KMT2C: variants seen among roughly 807,000 people sequenced by gnomAD.
The protein encoded by KMT2C is histone-lysine N-methyltransferase 2C.
A neutral mutation model predicts 507.9 loss-of-function variants in KMT2C; 88 were observed. The observed-to-expected ratio is 0.17, with a 90% CI of 0.15 to 0.21. The LOEUF is 0.21. Ranked by LOEUF, KMT2C falls within the 10% of genes least tolerant of loss-of-function variation. The probability of loss-of-function intolerance (pLI) is 1.00; values close to 1 mark genes in which losing one functional copy is unlikely to be tolerated. For synonymous variants in KMT2C, 2,049 were observed against 2,080.8 expected, an observed-to-expected ratio of 0.98 and a Z score of 0.42; for missense variants, 4,954 against 5,957.8, an observed-to-expected ratio of 0.83 and a Z score of 5.55.
chr7:152,278,239 C>T (rs1487317461), intron 6 of KMT2C, among the ~76,000 whole-genome samples: 1 of 151,850 alleles, frequency 6.6e-6, no homozygotes, highest in Non-Finnish European at 1.5e-5. Context: ...GATGCCTGCT[C>T]CCCCTTCTCC....
chr7:152,392,561 A>G (rs1262602348), intron 1 of KMT2C, among the ~76,000 whole-genome samples: 10 of 152,294 alleles, frequency 6.6e-5, no homozygotes, highest in Non-Finnish European at 1.3e-4. Flanking sequence ...AGCATTCCAC[A>G]TGCATTATCT....
chr7:152,256,634 T>C (rs1400193486), intron 9 of KMT2C, among the ~76,000 whole-genome samples: 1 of 152,162 alleles, frequency 6.6e-6, no homozygotes, highest in Non-Finnish European at 1.5e-5. Context: ...GATAAAAGCT[T>C]ACATCCCTAA....
At chr7:152,155,839 C>G in intron 46 of KMT2C, 71 bp downstream of exon 46, 3 of 1,411,330 alleles carry the variant, frequency 2.1e-6, no homozygotes, top group Non-Finnish European at 2.9e-6. Context: ...GACATTATGC[C>G]ACATACATAC....
At position 152,169,262 on chromosome 7, in the gene KMT2C, A is replaced by G; in HGVS notation, c.9454-13T>C. On this transcript the variant is annotated splice_polypyrimidine_tract_variant and intron_variant, in intron 40 of 58. Coordinates refer to ENST00000262189, the MANE Select transcript of KMT2C (RefSeq NM_170606.3). ...TTATACTGCCATCCTAAAATAAGTA[A>G]AATTTACAAATATGTTTATTCCACA... is the stretch of plus-strand genomic sequence containing the variant. 2.7e-6 allele frequency: 4 copies of G among 1,471,418 alleles called. No individual in the cohort carries two copies. Among genetic ancestry groups the G allele is most frequent in the Non-Finnish European group, 3.8e-6 (4 of 1,050,960 alleles). The allele number at this position is 1,471,418 out of a possible 1,614,324, so 91.1% of individuals were successfully genotyped here. A position where few individuals can be genotyped will look rare whatever the true frequency, so the allele number is the denominator to read the frequency against.
At chr7:152,256,095 G>C (rs975749828) in intron 9 of KMT2C, among the ~76,000 whole-genome samples, 1 of 152,074 alleles carries the variant, frequency 6.6e-6, no homozygotes, top group East Asian at 1.9e-4. Flanking sequence ...ACTTGAACCC[G>C]CGAGGGGGAG....
intron 6 of KMT2C, among the ~76,000 whole-genome samples, chr7:152,298,184 G>T (rs1251584229): frequency 6.6e-6 from 1 of 151,986 alleles, no homozygotes; most frequent in Non-Finnish European, 1.5e-5. Flanking sequence ...CTAATAATAT[G>T]CAGGTAACTG....
chr7:152,330,155 G>T (rs1563884286), intron 3 of KMT2C, among the ~76,000 whole-genome samples: 2 of 133,144 alleles, frequency 1.5e-5, no homozygotes, highest in South Asian at 6.4e-4. Context: ...AAAAAGGGAG[G>T]GGGGGAGGGG....
intron 1 of KMT2C, among the ~76,000 whole-genome samples, chr7:152,371,603 T>A (rs1425662072): frequency 2.6e-5 from 4 of 151,996 alleles, no homozygotes; most frequent in Admixed American, 2.0e-4. Flanking sequence ...ATTTTTTTTT[T>A]AATTTTTTCA....
At chr7:152,238,050 GAAAATAAAGTAT>G (rs2095314957) in intron 15 of KMT2C, among the ~76,000 whole-genome samples, 1 of 152,272 alleles carries the variant, frequency 6.6e-6, no homozygotes, top group African/African-American at 2.4e-5. Flanking sequence ...AGTCATGAAA[GAAAATAAAGTAT>G]AATCTAGAAT....
chr7:152,330,306 T>A (rs1383158293), intron 3 of KMT2C, among the ~76,000 whole-genome samples: 1 of 152,200 alleles, frequency 6.6e-6, no homozygotes, highest in African/African-American at 2.4e-5. Context: ...ATCCTCATGC[T>A]AAATGCTCAC....
Position 152,162,127 on chromosome 7 carries a change from G to C in KMT2C, c.11450C>G (p.Ala3817Gly). The change falls in exon 43 of 59, where the codon GCT (alanine) becomes GGT (glycine). Residue 3817 changes from alanine to glycine, a missense_variant. Around this residue, in one of 29 missense-constraint regions of KMT2C, gnomAD observed 801 missense variants for 751.2 expected, o/e 1.07. Coordinates refer to ENST00000262189, the MANE Select transcript of KMT2C (RefSeq NM_170606.3). ...DNKLVEKQNP[A>G]EGLQTLGAQM... ...ATGATTTACACTTACCAGTCCTTCA[G>C]CTGGGTTCTGCTTCTCAACTAGTTT... The C allele has an allele frequency of 6.4e-7, 1 of 1,556,440 alleles. No individual in the cohort carries two copies. Among genetic ancestry groups the C allele is most frequent in the Non-Finnish European group, 8.7e-7 (1 of 1,155,844 alleles).
chr7:152,160,094 C>G (rs569660522), intron 43 of KMT2C, among the ~76,000 whole-genome samples: 36 of 152,268 alleles, frequency 2.4e-4, no homozygotes, highest in Non-Finnish European at 4.9e-4. Flanking sequence ...TCAAATAAAA[C>G]TTTTAAAATT....
Position 152,273,823 on chromosome 7 carries a change from A to G in KMT2C, c.894T>C (p.Cys298=), listed in dbSNP as rs767649509. Residue 298 remains cysteine (C), a synonymous_variant, in exon 7 of 59, where the codon TGT becomes TGC. Transcript: ENST00000262189. ...GATACATCTGGGTACATTTCTCTTC[A>G]CAGCATTTGATAGTGGCTCCAAGGT... ...CKHLGATIKC[C]EEKCTQMYHY... The G allele has an allele frequency of 1.2e-6, 2 of 1,614,066 alleles. No homozygotes were observed. Among genetic ancestry groups the G allele is most frequent in the Admixed American group, 3.3e-5 (2 of 60,030 alleles).
chr7:152,330,540 A>G, intron 3 of KMT2C, 61 bp downstream of exon 3: 1 of 1,501,730 alleles, frequency 6.7e-7, no homozygotes, highest in Non-Finnish European at 9.2e-7. Flanking sequence ...TTTTCTCTAT[A>G]GTCATTTCAC....
rs1052797876 is a variant in KMT2C at position 152,135,023 on chromosome 7, A to T, written c.*1809T>A. 4.4e-6 allele frequency: 1 copy of T among 228,878 alleles called. No individual in the cohort carries two copies. The highest frequency in any genetic ancestry group is 2.2e-5 in the African/African-American group (1 of 45,076). The allele number at this position is 228,878 out of a possible 1,614,324, so 14.2% of individuals were successfully genotyped here. On this transcript the variant is annotated 3_prime_UTR_variant, in exon 59 of 59. Coordinates refer to ENST00000262189, the MANE Select transcript of KMT2C (RefSeq NM_170606.3). ...CACTCTGTATACTTCAAAAAATTCA[A>T]TTTTTGCCAACATTAGATACTATTA...
chr7:152,380,240 C>CAA (rs1158974053), intron 1 of KMT2C, among the ~76,000 whole-genome samples: 8 of 57,070 alleles, frequency 1.4e-4, no homozygotes, highest in African/African-American at 5.4e-4. Flanking sequence ...ACTCCATCTC[C>CAA]AAAAAAAAAA....
At chr7:152,362,213 C>G (rs1163663763) in intron 1 of KMT2C, among the ~76,000 whole-genome samples, 1 of 152,118 alleles carries the variant, frequency 6.6e-6, no homozygotes, top group African/African-American at 2.4e-5. Flanking sequence ...TAGCACAGAA[C>G]TGAAGATGAA....
intron 3 of KMT2C, 27 bp downstream of exon 3, chr7:152,330,574 C>G (rs1169831681): frequency 1.2e-6 from 2 of 1,608,394 alleles, no homozygotes; most frequent in Non-Finnish European, 8.5e-7. Context: ...TCACTAATAT[C>G]CAATCCAGCT....
intron 6 of KMT2C, among the ~76,000 whole-genome samples, chr7:152,304,346 T>C (rs539385072): frequency 2.0e-5 from 3 of 152,316 alleles, no homozygotes; most frequent in Non-Finnish European, 4.4e-5. Flanking sequence ...TCACCCTCTC[T>C]AATAAAAATA....
Sources: allele counts gnomAD v4.1 joint callset (sites outside exome capture counted in the v4.1 genomes callset), GRCh38; gene constraint gnomAD v4.1.1; regional missense constraint gnomAD v4.1.1; transcripts MANE v1.5; gene names NCBI Gene and HGNC (gene_info 2026-07-23, HGNC 2026-07-21).